Variants in SLC24A5 observed in about 807,000 individuals in gnomAD.
The protein encoded by SLC24A5 is sodium/potassium/calcium exchanger 5.
In SLC24A5, 46 loss-of-function variants were observed where a neutral mutation model predicts 51.6. That is an observed-to-expected ratio of 0.89 (90% CI 0.70 to 1.14). The LOEUF is 1.14. Ranked by LOEUF, SLC24A5 falls within the 50% of genes most tolerant of loss-of-function variation. The probability of loss-of-function intolerance (pLI) is 0.00; values close to 1 mark genes in which losing one functional copy is unlikely to be tolerated. For synonymous variants in SLC24A5, 230 were observed against 214.9 expected (o/e 1.07, Z -0.62); for missense variants, 581 against 604.1 (o/e 0.96, Z 0.40).
intron 2 of SLC24A5, among the ~76,000 whole-genome samples, chr15:48,133,200 A>G (rs1221074984): frequency 6.6e-6 from 1 of 152,126 alleles, no homozygotes; most frequent in Non-Finnish European, 1.5e-5. Flanking sequence ...ACATCAACAA[A>G]GAGTTGCCAT....
intron 7 of SLC24A5, chr15:48,139,698 C>T (rs2039003403): frequency 6.6e-6 from 1 of 152,196 alleles, no homozygotes; most frequent in South Asian, 2.1e-4. Flanking sequence ...TTTCTACTAC[C>T]TTCATGATTA....
intron 2 of SLC24A5, among the ~76,000 whole-genome samples, chr15:48,128,228 T>C (rs1389292224): frequency 6.6e-6 from 1 of 152,002 alleles, no homozygotes; most frequent in Non-Finnish European, 1.5e-5. Context: ...TTAAGATTGG[T>C]CACTGGATAG....
chr15:48,121,940 A>T lies in SLC24A5; in HGVS notation c.205A>T (p.Ile69Phe). The T allele has an allele frequency of 6.2e-7, 1 of 1,614,180 alleles. No individual in the cohort carries two copies. The highest frequency in any genetic ancestry group is 8.5e-7 in the Non-Finnish European group (1 of 1,180,002). ...GAGACAGGAGCGCAGAGATGGAGGC[A>T]TCATAATCTATTTCCTAATTATCGT... is the stretch of plus-strand genomic sequence containing the variant. ...FTRQERRDGG[I>F]IIYFLIIVYM... Residue 69 changes from isoleucine (I) to phenylalanine (F), a missense_variant, in exon 2 of 9, where the codon ATC (isoleucine) becomes TTC (phenylalanine). By Grantham distance (21) the Ile-to-Phe change is conservative. Transcript: ENST00000341459.
At chr15:48,122,233 T>C in intron 2 of SLC24A5, 197 bp downstream of exon 2, 1 of 619,000 alleles carries the variant, frequency 1.6e-6, no homozygotes, top group Admixed American at 2.8e-5. Flanking sequence ...TCAGAGTTTC[T>C]TCAAGTTAGA....
chr15:48,125,626 T>C (rs1022012521), intron 2 of SLC24A5, among the ~76,000 whole-genome samples: 2 of 152,188 alleles, frequency 1.3e-5, no homozygotes, highest in Non-Finnish European at 2.9e-5. Context: ...ACAGTTACTA[T>C]GGAGGAAGTA....
At chr15:48,140,802 C>T (rs944267907) in intron 7 of SLC24A5, 4 of 295,126 alleles carry the variant, frequency 1.4e-5, no homozygotes, top group South Asian at 7.1e-5. Flanking sequence ...TCAGCACAGC[C>T]CTGATGAGAT....
At chr15:48,133,917 G>A (rs1330940858) in intron 2 of SLC24A5, among the ~76,000 whole-genome samples, 1 of 151,962 alleles carries the variant, frequency 6.6e-6, no homozygotes, top group African/African-American at 2.4e-5. Flanking sequence ...TTGAAGTTGG[G>A]TTAGGATTTC....
At chr15:48,122,979 A>C (rs1328164769) in intron 2 of SLC24A5, 3 of 152,112 alleles carry the variant, frequency 2.0e-5, no homozygotes, top group African/African-American at 7.2e-5. Context: ...CCATTTCTTT[A>C]TAAAGGGAAA....
At chr15:48,130,944 G>C (rs1157201725) in intron 2 of SLC24A5, among the ~76,000 whole-genome samples, 1 of 151,988 alleles carries the variant, frequency 6.6e-6, no homozygotes, top group Non-Finnish European at 1.5e-5. Context: ...ACAGGCTCAG[G>C]GTTTATGCCC....
chr15:48,139,112 TTCATG>T lies in SLC24A5; in HGVS notation c.1018_1022del (p.Met340CysfsTer61). On this transcript the variant is annotated frameshift_variant, in exon 7 of 9. Coordinates refer to ENST00000341459, the MANE Select transcript of SLC24A5 (RefSeq NM_205850.3). LOFTEE classifies it high-confidence loss of function. ...GAAAAACTACTTTGTGATAACCTTT[TTCATG>T]TCTGCAATATGGATATCCGCATTTA... 1.2e-6 allele frequency: 2 copies of T among 1,613,200 alleles called. No homozygotes were observed. The highest frequency in any genetic ancestry group is 1.7e-6 in the Non-Finnish European group (2 of 1,179,390).
At chr15:48,123,455 T>C (rs969317611) in intron 2 of SLC24A5, 1 of 152,142 alleles carries the variant, frequency 6.6e-6, no homozygotes. Context: ...TCACACAATA[T>C]TTTATAGTGC....
intron 2 of SLC24A5, among the ~76,000 whole-genome samples, chr15:48,128,635 A>G (rs1435057364): frequency 6.6e-6 from 1 of 152,160 alleles, no homozygotes; most frequent in Non-Finnish European, 1.5e-5. Flanking sequence ...AAATTTACAG[A>G]AGCAAAAGCT....
chr15:48,121,918 A>T lies in SLC24A5; in HGVS notation c.183A>T (p.Arg61Ser). The change falls in exon 2 of 9, where the codon AGA (arginine) becomes AGT (serine). Residue 61 changes from arginine to serine, a missense_variant. Physicochemically the swap from Arg to Ser is moderately radical, Grantham distance 110. Coordinates refer to ENST00000341459, the MANE Select transcript of SLC24A5 (RefSeq NM_205850.3). ...AGTTTCCCGAAGGGTTTTTCACGAG[A>T]CAGGAGCGCAGAGATGGAGGCATCA... ...SSEFPEGFFT[R>S]QERRDGGIII... 2 of 1,614,186 alleles carry T rather than the reference A, an allele frequency of 1.2e-6. No homozygotes were observed. Among genetic ancestry groups the T allele is most frequent in the Non-Finnish European group, 1.7e-6 (2 of 1,180,028 alleles).
chr15:48,137,129 G>A, intron 6 of SLC24A5, 166 bp downstream of exon 6: 1 of 639,320 alleles, frequency 1.6e-6, no homozygotes, highest in Non-Finnish European at 2.5e-6. Flanking sequence ...CAATATCACA[G>A]GAAATACAAA....
intron 2 of SLC24A5, 136 bp from the exon 3 acceptor site, chr15:48,134,122 T>A (rs1222716388): frequency 1.4e-6 from 1 of 738,032 alleles, no homozygotes; most frequent in Non-Finnish European, 2.3e-6. Context: ...TTGGACTCTT[T>A]TAATCTGTGT....
chr15:48,137,651 G>A (rs781540887), intron 6 of SLC24A5: 6 of 152,096 alleles, frequency 3.9e-5, no homozygotes, highest in Non-Finnish European at 8.8e-5. Context: ...GAACAGATGT[G>A]AGACTATATG....
chr15:48,136,513 A>G, intron 5 of SLC24A5, 170 bp from the exon 6 acceptor site: 1 of 547,646 alleles, frequency 1.8e-6, no homozygotes, highest in Non-Finnish European at 3.0e-6. Context: ...TAAACATAAT[A>G]ATGCTGTAAT....
chr15:48,141,584 A>T (rs2039088187), intron 8 of SLC24A5: 1 of 159,820 alleles, frequency 6.3e-6, no homozygotes, highest in Non-Finnish European at 1.3e-5. Flanking sequence ...TGTCTCAAAA[A>T]ACAAAAACCA....
At chr15:48,131,277 C>T (rs1379207014) in intron 2 of SLC24A5, among the ~76,000 whole-genome samples, 2 of 151,798 alleles carry the variant, frequency 1.3e-5, no homozygotes, top group Non-Finnish European at 2.9e-5. Context: ...AGTGATTATA[C>T]GTATGCATGT....
Sources: gnomAD v4.1 joint callset for allele counts (sites outside exome capture counted in the v4.1 genomes callset) on GRCh38, gnomAD v4.1.1 for gene constraint, MANE v1.5 for transcripts, NCBI Gene and HGNC (gene_info 2026-07-23, HGNC 2026-07-21) for gene names.